SSC4D: variants seen among roughly 807,000 people sequenced by gnomAD.
SSC4D encodes the protein scavenger receptor cysteine rich family member with 4 domains.
SSC4D carries 57 observed loss-of-function variants against 63.4 expected under a neutral mutation model. The observed-to-expected ratio is 0.90, with a 90% confidence interval of 0.73 to 1.12. The LOEUF (loss-of-function observed/expected upper bound fraction) is 1.12, where lower values mean the gene tolerates loss of function less well. SSC4D is among the 50% of genes most tolerant of loss of function. The probability of loss-of-function intolerance (pLI) is 0.00; values close to 1 mark genes in which losing one functional copy is unlikely to be tolerated. For synonymous variants in SSC4D, 352 were observed against 345.4 expected, an observed-to-expected ratio of 1.02 and a Z score of -0.21; for missense variants, 791 against 806.4, an observed-to-expected ratio of 0.98 and a Z score of 0.23.
intron 6 of SSC4D, among the ~76,000 whole-genome samples, chr7:76,395,911 T>A (rs1434533569): frequency 6.6e-6 from 1 of 152,178 alleles, no homozygotes; most frequent in African/African-American, 2.4e-5. Flanking sequence ...GCTAGGCTGG[T>A]CTCAAACACC....
At chr7:76,391,823 C>G (rs1197048287) in intron 10 of SSC4D, 141 bp downstream of exon 10, 5 of 843,976 alleles carry the variant, frequency 5.9e-6, no homozygotes, top group South Asian at 5.8e-5. Flanking sequence ...CAAAGGAGGC[C>G]TGAGACCAAC....
At chr7:76,403,744 C>T (rs1486322752) in intron 2 of SSC4D, among the ~76,000 whole-genome samples, 1 of 151,908 alleles carries the variant, frequency 6.6e-6, no homozygotes, top group Non-Finnish European at 1.5e-5. Context: ...TCACTGCAAC[C>T]TCCACTTCCC....
At chr7:76,409,065 A>C (rs1181809935) in intron 1 of SSC4D, among the ~76,000 whole-genome samples, 1 of 152,140 alleles carries the variant, frequency 6.6e-6, no homozygotes, top group Non-Finnish European at 1.5e-5. Context: ...GGCCCACTCT[A>C]GGTGTGGTAG....
intron 9 of SSC4D, among the ~76,000 whole-genome samples, chr7:76,392,976 C>A (rs1804524973): frequency 6.6e-6 from 1 of 152,172 alleles, no homozygotes; most frequent in Non-Finnish European, 1.5e-5. Context: ...TGCAAACACC[C>A]CTTTCCACTG....
chr7:76,396,405 A>T (rs1294785121), intron 6 of SSC4D, among the ~76,000 whole-genome samples: 3 of 152,230 alleles, frequency 2.0e-5, no homozygotes, highest in Admixed American at 6.5e-5. Context: ...CCTAATTTGC[A>T]TATACTTGAA....
rs1002367908 is a variant in SSC4D at position 76,409,453 on chromosome 7, C to T, written c.-106G>A. 1.1e-4 allele frequency: 17 copies of T among 152,258 alleles called. No homozygotes were observed. The highest frequency in any genetic ancestry group is 1.1e-3 in the Admixed American group (17 of 15,244). 9.4% of individuals were successfully genotyped at this position (152,258 alleles called of 1,614,324 possible). On this transcript the variant is annotated 5_prime_UTR_variant, in exon 1 of 11. Coordinates refer to ENST00000275560, the MANE Select transcript of SSC4D (RefSeq NM_080744.2). ...TGGGCTCTTTCTGTCCCTTCTTCTA[C>T]AGTCAATCCAAGATCGAATCACTTT...
At chr7:76,399,337 C>T (rs1804739997) in intron 4 of SSC4D, among the ~76,000 whole-genome samples, 1 of 152,058 alleles carries the variant, frequency 6.6e-6, no homozygotes, top group Non-Finnish European at 1.5e-5. Flanking sequence ...TAAAGCAGTT[C>T]ACCTCCCTTG....
intron 4 of SSC4D, 77 bp downstream of exon 4, chr7:76,400,209 C>T (rs1804770194): frequency 7.3e-7 from 1 of 1,375,896 alleles, no homozygotes; most frequent in Non-Finnish European, 9.5e-7. Context: ...TGTGGGAAGT[C>T]CCTTCATTTA....
At position 76,397,543 on chromosome 7, in the gene SSC4D, G is replaced by C. The variant is rs754019528; in HGVS notation, c.843C>G (p.His281Gln). The change falls in exon 6 of 11, where the codon CAC becomes CAG. Residue 281 changes from histidine (H) to glutamine (Q), a missense_variant. Physicochemically the swap from His to Gln is conservative, Grantham distance 24. Transcript: ENST00000275560. ...CTGCGCAGAGCGCGCCCGCGTCCTC[G>C]TGGTGGCCGCAGTTGTGCACACCCC... ...LGWGVHNCGH[H>Q]EDAGALCAGL... 6.3e-7 allele frequency: 1 copy of C among 1,587,792 alleles called. No homozygotes were observed. The highest frequency in any genetic ancestry group is 1.1e-5 in the South Asian group (1 of 88,720).
At position 76,393,817 on chromosome 7, in the gene SSC4D, C is replaced by A; in HGVS notation, c.1021+13G>T. The A allele has an allele frequency of 6.5e-7, 1 of 1,542,364 alleles. No homozygotes were observed. On this transcript the variant is annotated intron_variant, in intron 8 of 10. Coordinates refer to ENST00000275560, the MANE Select transcript of SSC4D (RefSeq NM_080744.2). ...CTTCCCCATCCCCCGCAGACCCAGG[C>A]ACCGCCACTTACTTTTCTTCCCCGC...
intron 7 of SSC4D, among the ~76,000 whole-genome samples, chr7:76,394,992 C>T (rs1387998798): frequency 6.6e-6 from 1 of 151,712 alleles, no homozygotes; most frequent in Admixed American, 6.6e-5. Context: ...AGTGAGCCAC[C>T]GCCCACATCC....
At chr7:76,393,781 C>G (rs1041980466) in intron 8 of SSC4D, 49 bp downstream of exon 8, 11 of 1,527,732 alleles carry the variant, frequency 7.2e-6, no homozygotes, top group Non-Finnish European at 9.7e-6. Flanking sequence ...CGGCAGAGCC[C>G]CAGCCCTACC....
chr7:76,406,730 A>G (rs1256758808), intron 1 of SSC4D, among the ~76,000 whole-genome samples: 2 of 151,596 alleles, frequency 1.3e-5, no homozygotes, highest in Admixed American at 6.6e-5. Context: ...CCTGGCCTCA[A>G]GTGATCCTCC....
chr7:76,399,990 C>T (rs1217669024), intron 4 of SSC4D, among the ~76,000 whole-genome samples: 1 of 152,104 alleles, frequency 6.6e-6, no homozygotes, highest in Admixed American at 6.6e-5. Flanking sequence ...GACCTCATCT[C>T]CAAAATCTCT....
intron 1 of SSC4D, among the ~76,000 whole-genome samples, chr7:76,408,671 A>T (rs964585845): frequency 7.2e-5 from 11 of 152,096 alleles, no homozygotes; most frequent in Admixed American, 3.9e-4. Context: ...GTGACCCCAG[A>T]GCCCTCTGCC....
At chr7:76,393,320 A>G in intron 9 of SSC4D, 85 bp downstream of exon 9, 13 of 1,248,786 alleles carry the variant, frequency 1.0e-5, no homozygotes, top group Non-Finnish European at 1.1e-5. Flanking sequence ...GCCGCAAGAG[A>G]GGCCTCGCGC....
intron 4 of SSC4D, among the ~76,000 whole-genome samples, 196 bp from the exon 5 acceptor site, chr7:76,398,993 G>A (rs532158339): frequency 1.3e-5 from 2 of 152,156 alleles, no homozygotes; most frequent in East Asian, 1.9e-4. Flanking sequence ...TCTAAAGCAC[G>A]GTTTTTGTTG....
chr7:76,409,427 C>G lies in SSC4D; in HGVS notation c.-80G>C, dbSNP rs1437132978. 1 of 152,328 alleles carries G rather than the reference C, an allele frequency of 6.6e-6. No individual in the cohort carries two copies. Among genetic ancestry groups the G allele is most frequent in the Non-Finnish European group, 1.5e-5 (1 of 68,234 alleles). The allele number at this position is 152,328 out of a possible 1,614,324, so 9.4% of individuals were successfully genotyped here. On this transcript the variant is annotated 5_prime_UTR_variant, in exon 1 of 11. Coordinates refer to ENST00000275560, the MANE Select transcript of SSC4D (RefSeq NM_080744.2). Reference sequence around the variant, plus strand: ...AAGGATTCATACCTGGGGGAATGTTCTGGGCTCTTTCTGTCCCTTCTTCTA... The same window carrying G: ...AAGGATTCATACCTGGGGGAATGTTGTGGGCTCTTTCTGTCCCTTCTTCTA...
chr7:76,395,778 G>A (rs1804623239), intron 6 of SSC4D, among the ~76,000 whole-genome samples: 1 of 152,178 alleles, frequency 6.6e-6, no homozygotes, highest in African/African-American at 2.4e-5. Flanking sequence ...TGCAACCTCC[G>A]CCTCCCAGGT....
Sources: gnomAD v4.1 joint callset for allele counts (sites outside exome capture counted in the v4.1 genomes callset) on GRCh38, gnomAD v4.1.1 for gene constraint, MANE v1.5 for transcripts, NCBI Gene and HGNC (gene_info 2026-07-23, HGNC 2026-07-21) for gene names.